ATM: variants seen among roughly 807,000 people sequenced by gnomAD.
ATM encodes the protein ATM serine/threonine kinase, also known as serine-protein kinase ATM.
Under a neutral mutation model 387.0 loss-of-function variants are expected in ATM, and 308 were observed. The observed-to-expected ratio is 0.80, with a 90% CI of 0.73 to 0.87. ATM has a LOEUF of 0.87. Among genes scored for constraint, ATM ranks in the 40% least tolerant of loss-of-function variants. The pLI, the probability that ATM is intolerant of heterozygous loss-of-function variation, is 0.00. For synonymous variants in ATM, 1,156 were observed against 1,187.3 expected (o/e 0.97, Z 0.54); for missense variants, 3,312 against 3,560.9 (o/e 0.93, Z 1.78).
chr11:108,343,192 A>T, intron 56 of ATM, 30 bp from the exon 57 acceptor site: 1 of 1,612,970 alleles, frequency 6.2e-7, no homozygotes, highest in Non-Finnish European at 8.5e-7. Context: ...GGCCTTTTAA[A>T]ATTAAAAGGT....
intron 54 of ATM, among the ~76,000 whole-genome samples, chr11:108,334,246 T>G (rs566521741): frequency 1.0e-3 from 156 of 152,284 alleles, no homozygotes; most frequent in Non-Finnish European, 1.9e-3. Context: ...AAGGAGAGTT[T>G]CCGTGTGCTT....
At chr11:108,224,749 A>G (rs936255966) in intron 1 of ATM, 7 of 152,132 alleles carry the variant, frequency 4.6e-5, no homozygotes, top group Admixed American at 6.5e-5. Flanking sequence ...TTCTCTCTAC[A>G]GTTATTTTCT....
intron 13 of ATM, 43 bp downstream of exon 13, chr11:108,254,082 A>G (rs1221050300): frequency 1.3e-6 from 2 of 1,575,408 alleles, no homozygotes; most frequent in Non-Finnish European, 8.7e-7. Flanking sequence ...ATATGATTCA[A>G]CTTTGGTAAA....
chr11:108,331,275 A>C, intron 50 of ATM, 169 bp from the exon 51 acceptor site: 2 of 1,370,722 alleles, frequency 1.5e-6, no homozygotes, highest in Non-Finnish European at 1.9e-6. Flanking sequence ...TACCCATTAG[A>C]AAGACCTTCA....
At chr11:108,298,382 A>G (rs1314140830) in intron 33 of ATM, among the ~76,000 whole-genome samples, 1 of 152,256 alleles carries the variant, frequency 6.6e-6, no homozygotes, top group Non-Finnish European at 1.5e-5. Context: ...ATAGAAAAGT[A>G]TACAGATCAA....
intron 61 of ATM, 53 bp from the exon 62 acceptor site, chr11:108,365,029 T>C: frequency 6.3e-7 from 1 of 1,591,888 alleles, no homozygotes; most frequent in East Asian, 2.2e-5. Context: ...TGTTTCTAAG[T>C]ATGTGATTAA....
chr11:108,293,894 A>AAAATATATAT (rs1491178678), intron 31 of ATM, among the ~76,000 whole-genome samples: 1 of 83,708 alleles, frequency 1.2e-5, no homozygotes, highest in African/African-American at 4.2e-5. Flanking sequence ...AAAAAAAAAA[A>AAAATATATAT]ATATATATAT....
intron 13 of ATM, among the ~76,000 whole-genome samples, chr11:108,255,667 C>T (rs1178527893): frequency 6.6e-6 from 1 of 152,152 alleles, no homozygotes; most frequent in Non-Finnish European, 1.5e-5. Context: ...CTCAGGTGAT[C>T]TGCCCGCCTC....
intron 45 of ATM, among the ~76,000 whole-genome samples, chr11:108,321,797 A>AG: frequency 6.6e-6 from 1 of 152,190 alleles, no homozygotes. Context: ...AAAAAAAAAA[A>AG]AAACTATGTA....
intron 29 of ATM, among the ~76,000 whole-genome samples, chr11:108,291,490 C>T: frequency 6.6e-6 from 1 of 152,208 alleles, no homozygotes; most frequent in South Asian, 2.1e-4. Context: ...AACCTCTCTA[C>T]TCATTCCACA....
At position 108,354,860 on chromosome 11, in the gene ATM, T is replaced by C; in HGVS notation, c.8836T>C (p.Leu2946=). ...GATGAGAAACTCTCAGGAAACTCTG[T>C]TAACCATTGTAGAGGTAAAGTATTT... The part of the protein sequence containing the change: ...EVMRNSQETL[L]TIVEVLLYDP... Residue 2946 remains leucine, a synonymous_variant, in exon 61 of 63, where the codon TTA becomes CTA. Coordinates refer to ENST00000675843, the MANE Select transcript of ATM (RefSeq NM_000051.4). The C allele has an allele frequency of 6.2e-7, 1 of 1,613,420 alleles. No individual in the cohort carries two copies. The highest frequency in any genetic ancestry group is 8.5e-7 in the Non-Finnish European group (1 of 1,179,356).
At chr11:108,274,058 T>C (rs2135584554) in intron 22 of ATM, among the ~76,000 whole-genome samples, 2 of 152,344 alleles carry the variant, frequency 1.3e-5, no homozygotes, top group South Asian at 2.1e-4. Flanking sequence ...GAACTTGTTA[T>C]TGGTCTATTC....
chr11:108,273,341 T>C (rs1271678173), intron 22 of ATM, among the ~76,000 whole-genome samples: 1 of 134,018 alleles, frequency 7.5e-6, no homozygotes, highest in Non-Finnish European at 1.6e-5. Flanking sequence ...CTTTTTTTTT[T>C]TTTTTTTTTT....
chr11:108,270,732 G>A (rs1210567633), intron 18 of ATM, among the ~76,000 whole-genome samples: 1 of 152,040 alleles, frequency 6.6e-6, no homozygotes, highest in African/African-American at 2.4e-5. Flanking sequence ...ATCTCGCTCT[G>A]TTGCCCGGGC....
chr11:108,245,223 C>G (rs1347932965), intron 7 of ATM, among the ~76,000 whole-genome samples, 197 bp downstream of exon 7: 2 of 152,014 alleles, frequency 1.3e-5, no homozygotes, highest in African/African-American at 4.8e-5. Flanking sequence ...TTATGCCTTT[C>G]TATTTGTTCA....
At chr11:108,238,434 G>C (rs1184775952) in intron 5 of ATM, among the ~76,000 whole-genome samples, 2 of 152,118 alleles carry the variant, frequency 1.3e-5, no homozygotes, top group African/African-American at 4.8e-5. Context: ...TTATAGGCAT[G>C]AGCCAACATG....
intron 1 of ATM, chr11:108,225,034 AG>A (rs1375029247): frequency 3.3e-5 from 5 of 152,344 alleles, no homozygotes; most frequent in Admixed American, 3.3e-4. Flanking sequence ...AACAAGTTCA[AG>A]GAAGTCACAC....
At chr11:108,276,284 T>C (rs765783249) in intron 22 of ATM, among the ~76,000 whole-genome samples, 8 of 152,232 alleles carry the variant, frequency 5.3e-5, no homozygotes, top group Non-Finnish European at 8.8e-5. Flanking sequence ...GGTTCTTAGC[T>C]TCCTTGCATT....
intron 50 of ATM, 128 bp from the exon 51 acceptor site, chr11:108,331,316 A>C: frequency 8.2e-6 from 12 of 1,458,722 alleles, no homozygotes; most frequent in Non-Finnish European, 1.1e-5. Flanking sequence ...AAAACAATAT[A>C]GTTAGTGAAG....
Sources: allele counts gnomAD v4.1 joint callset (sites outside exome capture counted in the v4.1 genomes callset), GRCh38; gene constraint gnomAD v4.1.1; transcripts MANE v1.5; gene names NCBI Gene and HGNC (gene_info 2026-07-23, HGNC 2026-07-21).